The following SMARCC1 variants were observed in gnomAD, a reference collection of about 807,000 sequenced individuals.
SMARCC1 encodes SWI/SNF related BAF chromatin remodeling complex subunit C1.
A neutral mutation model predicts 147.4 loss-of-function variants in SMARCC1; 43 were observed. That is an observed-to-expected ratio of 0.29 (90% CI 0.23 to 0.38). The LOEUF (loss-of-function observed/expected upper bound fraction) is 0.38, where lower values mean the gene tolerates loss of function less well. Among genes scored for constraint, SMARCC1 ranks in the 10% least tolerant of loss-of-function variants. The pLI is 1.00. For missense variants in SMARCC1, 1,119 were observed against 1,381.1 expected (o/e 0.81, Z 3.01); for synonymous variants, 495 against 484.4 (o/e 1.02, Z -0.29).
intron 6 of SMARCC1, 101 bp from the exon 7 acceptor site, chr3:47,720,836 GAAC>G (rs2106810149): frequency 4.2e-6 from 4 of 956,606 alleles, no homozygotes; most frequent in Non-Finnish European, 6.5e-6. Flanking sequence ...GTTTGCTAAC[GAAC>G]AACATTTTTC....
intron 13 of SMARCC1, 137 bp from the exon 14 acceptor site, chr3:47,686,307 A>G: frequency 1.5e-6 from 1 of 669,476 alleles, no homozygotes; most frequent in Admixed American, 3.1e-5. Flanking sequence ...AACAAATTTC[A>G]AGTAAAAACA....
At chr3:47,593,218 G>A (rs1455954697) in intron 26 of SMARCC1, among the ~76,000 whole-genome samples, 1 of 149,900 alleles carries the variant, frequency 6.7e-6, no homozygotes, top group African/African-American at 2.5e-5. Flanking sequence ...TTTTGAGACA[G>A]AATCTCGCTG....
intron 26 of SMARCC1, among the ~76,000 whole-genome samples, chr3:47,605,583 G>A (rs1474162894): frequency 6.6e-6 from 1 of 152,172 alleles, no homozygotes; most frequent in Non-Finnish European, 1.5e-5. Context: ...ACCAGCCTGG[G>A]CAATATAGTG....
intron 5 of SMARCC1, among the ~76,000 whole-genome samples, chr3:47,729,526 C>T (rs1462581701): frequency 6.6e-6 from 1 of 152,136 alleles, no homozygotes; most frequent in Non-Finnish European, 1.5e-5. Flanking sequence ...GCTGGGATTA[C>T]AGGCACCCGC....
chr3:47,619,544 C>T (rs1482896148), intron 25 of SMARCC1, among the ~76,000 whole-genome samples: 1 of 152,178 alleles, frequency 6.6e-6, no homozygotes, highest in Non-Finnish European at 1.5e-5. Context: ...CCTTCTTGGC[C>T]AGAGAAGCAG....
At chr3:47,618,367 T>C (rs1341116405) in intron 25 of SMARCC1, among the ~76,000 whole-genome samples, 2 of 149,458 alleles carry the variant, frequency 1.3e-5, no homozygotes, top group African/African-American at 4.9e-5. Flanking sequence ...CATGGCAAGA[T>C]CTTGTCAATA....
intron 1 of SMARCC1, among the ~76,000 whole-genome samples, chr3:47,773,603 A>C (rs1487446317): frequency 6.6e-6 from 1 of 151,972 alleles, no homozygotes; most frequent in Non-Finnish European, 1.5e-5. Context: ...GTTCAATATC[A>C]CTTTGAGTAG....
At chr3:47,674,322 T>A (rs899815219) in intron 18 of SMARCC1, among the ~76,000 whole-genome samples, 2 of 152,224 alleles carry the variant, frequency 1.3e-5, no homozygotes, top group African/African-American at 4.8e-5. Flanking sequence ...ACTTTTCTTA[T>A]ACTGTGTGCT....
intron 12 of SMARCC1, among the ~76,000 whole-genome samples, chr3:47,689,963 T>C (rs956173896): frequency 2.0e-5 from 3 of 152,210 alleles, no homozygotes; most frequent in African/African-American, 7.2e-5. Context: ...AGAGGTAGTA[T>C]TAAAGAACAA....
rs1245440235 is a variant in SMARCC1, at chr3:47,763,388, A to G, written c.315+9429T>C. Among the ~76,000 whole-genome samples the G allele has an allele frequency of 2.0e-5, 3 of 148,592 alleles. No individual in the cohort carries two copies. In the East Asian group the frequency reaches 6.2e-4, roughly 30 times the overall value. On this transcript the variant is annotated intron_variant, in intron 2 of 27. Transcript: ENST00000254480. ...GGAGTTTGGGACCAGCCTGGGCAACAATAGCGAGACTCCAGCTCTAAAAAA... is the reference window on the plus strand; with the variant it reads ...GGAGTTTGGGACCAGCCTGGGCAACGATAGCGAGACTCCAGCTCTAAAAAA...
At chr3:47,760,531 G>T (rs372128965) in intron 2 of SMARCC1, among the ~76,000 whole-genome samples, 3 of 151,882 alleles carry the variant, frequency 2.0e-5, no homozygotes, top group Admixed American at 2.0e-4. Flanking sequence ...GCGTTGTGGC[G>T]CATGCCTGTA....
intron 2 of SMARCC1, among the ~76,000 whole-genome samples, chr3:47,765,882 G>A (rs555878937): frequency 4.3e-4 from 65 of 151,996 alleles, no homozygotes; most frequent in Non-Finnish European, 8.8e-4. Context: ...ACAGGCGCCT[G>A]CCACCACACC....
chr3:47,758,999 A>AAAAAG (rs2034738862), intron 2 of SMARCC1, among the ~76,000 whole-genome samples: 1 of 138,858 alleles, frequency 7.2e-6, no homozygotes, highest in Non-Finnish European at 1.6e-5. Flanking sequence ...CCGGGGCAAC[A>AAAAAG]AGAGCGAAAC....
intron 3 of SMARCC1, among the ~76,000 whole-genome samples, chr3:47,741,183 G>A (rs2034505399): frequency 6.6e-6 from 1 of 151,910 alleles, no homozygotes; most frequent in South Asian, 2.1e-4. Context: ...AACTGTTTCA[G>A]TAGAGCGGGA....
chr3:47,711,675 A>G (rs578058985), intron 8 of SMARCC1, among the ~76,000 whole-genome samples: 9 of 152,332 alleles, frequency 5.9e-5, no homozygotes, highest in East Asian at 3.9e-4. Flanking sequence ...TAATTTGTCA[A>G]TCTAAACTCC....
intron 21 of SMARCC1, among the ~76,000 whole-genome samples, chr3:47,656,579 CAAAG>C (rs2033264525): frequency 1.3e-5 from 2 of 152,050 alleles, no homozygotes; most frequent in Non-Finnish European, 2.9e-5. Context: ...TACCAAGAAA[CAAAG>C]AGACTGAAAG....
chr3:47,762,101 G>A (rs2034780596), intron 2 of SMARCC1, among the ~76,000 whole-genome samples: 1 of 152,072 alleles, frequency 6.6e-6, no homozygotes, highest in Admixed American at 6.6e-5. Flanking sequence ...CTATTCCTTT[G>A]CCACAGAACA....
intron 9 of SMARCC1, among the ~76,000 whole-genome samples, chr3:47,707,428 T>C (rs1302228315): frequency 2.0e-5 from 3 of 151,636 alleles, no homozygotes; most frequent in East Asian, 1.9e-4. Flanking sequence ...TTCAGGAAAG[T>C]TGCAAGACAT....
intron 2 of SMARCC1, among the ~76,000 whole-genome samples, chr3:47,772,072 A>C (rs995233816): frequency 6.6e-6 from 1 of 151,934 alleles, no homozygotes; most frequent in Non-Finnish European, 1.5e-5. Flanking sequence ...CTGTCTCATA[A>C]ATAAATTAAT....
Sources: gnomAD v4.1 joint callset for allele counts (sites outside exome capture counted in the v4.1 genomes callset) on GRCh38, gnomAD v4.1.1 for gene constraint, MANE v1.5 for transcripts, NCBI Gene and HGNC (gene_info 2026-07-23, HGNC 2026-07-21) for gene names.